The following STAT4 variants were observed in gnomAD, a reference collection of about 807,000 sequenced individuals.
The protein encoded by STAT4 is signal transducer and activator of transcription 4.
STAT4 carries 42 observed loss-of-function variants against 110.5 expected under a neutral mutation model. That is an observed-to-expected ratio of 0.38 (90% confidence interval 0.30 to 0.49). The LOEUF (loss-of-function observed/expected upper bound fraction) is 0.49. Among genes scored for constraint, STAT4 ranks in the 20% least tolerant of loss-of-function variants. STAT4 has a pLI of 0.95. For synonymous variants in STAT4, 284 were observed against 302.2 expected, an observed-to-expected ratio of 0.94 and a Z score of 0.63; for missense variants, 632 against 887.9, an observed-to-expected ratio of 0.71 and a Z score of 3.66.
intron 4 of STAT4, among the ~76,000 whole-genome samples, chr2:191,074,259 G>A (rs1424172952): frequency 2.0e-5 from 3 of 152,122 alleles, no homozygotes; most frequent in Admixed American, 2.0e-4. Flanking sequence ...AAGTTGGGTG[G>A]GGAGCCATGG....
intron 3 of STAT4, among the ~76,000 whole-genome samples, chr2:191,141,471 CACATACAT>C (rs1171274734): frequency 3.9e-5 from 4 of 101,506 alleles, no homozygotes; most frequent in African/African-American, 1.1e-4. Context: ...ATATGTATAT[CACATACAT>C]ACATATACAT....
Position 191,064,947 on chromosome 2 carries a change from A to G in STAT4, c.642T>C (p.Ser214=). 6.2e-7 allele frequency: 1 copy of G among 1,601,320 alleles called. No individual in the cohort carries two copies. Among genetic ancestry groups the G allele is most frequent in the Non-Finnish European group, 8.5e-7 (1 of 1,174,728 alleles). Residue 214 remains serine, a synonymous_variant, in exon 8 of 24, where the codon AGT becomes AGC. Transcript: ENST00000392320. ...TCTCATGGATGATTTGGGTCATTTT[A>G]CTGAGAGCCTCCTAAAAACAAAGGG... ...SLDFKRKEAL[S]KMTQIIHETD... is the part of the protein sequence containing the mutation.
In STAT4 at chr2:191,147,004, A is replaced by G. The variant is rs1358527305; in HGVS notation, c.129-247T>C. ...GCTATTATAAAAAGGAAAAGAAAAA[A>G]CAGAAAATGAGTGTTGGTGAGGATA... On this transcript the variant is annotated intron_variant, in intron 2 of 23. Transcript: ENST00000392320. This position sits in a 1 kb window ranked among gnomAD's most constrained non-coding sequence, Gnocchi z 4.1. 6.6e-6 allele frequency among the ~76,000 whole-genome samples: 1 copy of G among 152,196 alleles called. No homozygotes were observed. Among genetic ancestry groups the G allele is most frequent in the Non-Finnish European group, 1.5e-5 (1 of 68,024 alleles).
chr2:191,124,170 A>T (rs910093727), intron 3 of STAT4, among the ~76,000 whole-genome samples: 1 of 152,202 alleles, frequency 6.6e-6, no homozygotes, highest in Non-Finnish European at 1.5e-5. Context: ...TAAAAAAGAT[A>T]CTGAGGCCGG....
chr2:191,097,242 A>G lies in STAT4; in HGVS notation c.274-20917T>C, dbSNP rs111940244. Among the ~76,000 whole-genome samples the G allele has an allele frequency of 8.1e-3, 1,230 of 152,322 alleles. 18 individuals carry two copies. The highest frequency in any genetic ancestry group is 0.029 in the African/African-American group (1,188 of 41,564). Reference sequence around the variant, plus strand: ...TGCCATCCCCATCAAGCTACCAAAGACTTTTTTCACAGAATTGGAAAAACT... The same window carrying G: ...TGCCATCCCCATCAAGCTACCAAAGGCTTTTTTCACAGAATTGGAAAAACT... On this transcript the variant is annotated intron_variant, in intron 3 of 23. Transcript: ENST00000392320.
rs906708901 is a variant in STAT4, at chr2:191,135,018, G to GA, written c.273+11594dup. On this transcript the variant is annotated intron_variant, in intron 3 of 23. Coordinates refer to ENST00000392320, the MANE Select transcript of STAT4 (RefSeq NM_003151.4). The surrounding 1 kb of genome is among the most constrained non-coding windows in gnomAD (Gnocchi z 4.8). ...GCACCTCAAGTAACTAGAAAAGCAA[G>GA]AAAAAAAAACCGAAATTAGTGGAAG... Among the ~76,000 whole-genome samples, 21 of 147,568 alleles carry GA rather than the reference G, an allele frequency of 1.4e-4. No individual in the cohort carries two copies. The highest frequency in any genetic ancestry group is 4.3e-4 in the South Asian group (2 of 4,670).
chr2:191,089,547 C>T (rs772044680), intron 3 of STAT4, among the ~76,000 whole-genome samples: 7 of 152,182 alleles, frequency 4.6e-5, no homozygotes, highest in Non-Finnish European at 1.0e-4. Context: ...TCAGCAATTG[C>T]ACCCCTTGGT....
At position 191,029,823 on chromosome 2, in the gene STAT4, C is replaced by G. The variant is rs376543078; in HGVS notation, c.*17G>C. 11 of 1,597,546 alleles carry G rather than the reference C, an allele frequency of 6.9e-6. No homozygotes were observed. ...TTTTCATTTGCTTCCTTTCTTGGTG[C>G]GTCAGAGTTTATCCTGTCATTCAGC... On this transcript the variant is annotated 3_prime_UTR_variant, in exon 24 of 24. Coordinates refer to ENST00000392320, the MANE Select transcript of STAT4 (RefSeq NM_003151.4). The surrounding 1 kb of genome is among the most constrained non-coding windows in gnomAD (Gnocchi z 4.5).
At position 191,135,623 on chromosome 2, in the gene STAT4, C is replaced by A. The variant is rs776294338; in HGVS notation, c.273+10990G>T. Among the ~76,000 whole-genome samples the A allele has an allele frequency of 6.6e-6, 1 of 152,140 alleles. No homozygotes were observed. Among genetic ancestry groups the A allele is most frequent in the East Asian group, 1.9e-4 (1 of 5,204 alleles). On this transcript the variant is annotated intron_variant, in intron 3 of 23. Transcript: ENST00000392320. This position sits in a 1 kb window ranked among gnomAD's most constrained non-coding sequence, Gnocchi z 4.8. Reference sequence around the variant, plus strand: ...CTGGGACTACAGGTGATCACCACCACGCCCAGCTAATTTTTTGTATTTTTA... The same window carrying A: ...CTGGGACTACAGGTGATCACCACCAAGCCCAGCTAATTTTTTGTATTTTTA...
intron 5 of STAT4, among the ~76,000 whole-genome samples, chr2:191,071,667 A>G (rs1192711864): frequency 6.6e-6 from 1 of 152,216 alleles, no homozygotes; most frequent in Non-Finnish European, 1.5e-5. Flanking sequence ...ATGATCTGAG[A>G]GCTACATTCC....
At position 191,117,679 on chromosome 2, in the gene STAT4, C is replaced by T. The variant is rs117808344; in HGVS notation, c.273+28934G>A. 1.3e-5 allele frequency among the ~76,000 whole-genome samples: 2 copies of T among 152,242 alleles called. No individual in the cohort carries two copies. The highest frequency in any genetic ancestry group is 4.8e-5 in the African/African-American group (2 of 41,550). On this transcript the variant is annotated intron_variant, in intron 3 of 23. Coordinates refer to ENST00000392320, the MANE Select transcript of STAT4 (RefSeq NM_003151.4). The surrounding 1 kb of genome is among the most constrained non-coding windows in gnomAD (Gnocchi z 5.2). ...ATTGCATCCTGGGCAGAGGGCATTG[C>T]AAGCAATGAGTAGAGTCCATTCTAA...
chr2:191,110,725 C>CG lies in STAT4; in HGVS notation c.274-34401_274-34400insC. On this transcript the variant is annotated intron_variant, in intron 3 of 23. Transcript: ENST00000392320. This position sits in a 1 kb window ranked among gnomAD's most constrained non-coding sequence, Gnocchi z 4.5. ...TTGATACAACTGAAGTACCGTATCA[C>CG]TGAGTTTCTAAAATTTATAGCACTA... Among the ~76,000 whole-genome samples the CG allele has an allele frequency of 6.6e-6, 1 of 152,244 alleles. No homozygotes were observed. The highest frequency in any genetic ancestry group is 2.1e-4 in the South Asian group (1 of 4,824).
rs1193815173 is a variant in STAT4, at chr2:191,116,102, T to G, written c.273+30511A>C. The stretch of plus-strand genomic sequence containing the variant: ...AGAAAAACTTCATTTGCTTGAATTG[T>G]GCTCTGATCATTACATGTAATGCTT... On this transcript the variant is annotated intron_variant, in intron 3 of 23. Coordinates refer to ENST00000392320, the MANE Select transcript of STAT4 (RefSeq NM_003151.4). The surrounding 1 kb of genome is among the most constrained non-coding windows in gnomAD (Gnocchi z 4.1). Among the ~76,000 whole-genome samples the G allele has an allele frequency of 6.6e-6, 1 of 152,230 alleles. No individual in the cohort carries two copies. Among genetic ancestry groups the G allele is most frequent in the Non-Finnish European group, 1.5e-5 (1 of 68,036 alleles).
chr2:191,051,907 T>C lies in STAT4; in HGVS notation c.1251+2583A>G, dbSNP rs1298204256. Among the ~76,000 whole-genome samples, 1 of 152,220 alleles carries C rather than the reference T, an allele frequency of 6.6e-6. No individual in the cohort carries two copies. Among genetic ancestry groups the C allele is most frequent in the African/African-American group, 2.4e-5 (1 of 41,460 alleles). ...ACTGAAATAAGTATGAAGCTAATAG[T>C]ACCTACTTCACAGTCTTGTTGCAAG... On this transcript the variant is annotated intron_variant, in intron 14 of 23. Transcript: ENST00000392320. This position sits in a 1 kb window ranked among gnomAD's most constrained non-coding sequence, Gnocchi z 5.6.
chr2:191,068,460 G>T (rs1044424070), intron 6 of STAT4: 11 of 152,090 alleles, frequency 7.2e-5, no homozygotes, highest in African/African-American at 2.7e-4. Flanking sequence ...TGGAAGTCAA[G>T]GCATCTTAAG....
At chr2:191,084,369 G>A (rs1055049074) in intron 3 of STAT4, among the ~76,000 whole-genome samples, 1 of 152,038 alleles carries the variant, frequency 6.6e-6, no homozygotes, top group Non-Finnish European at 1.5e-5. Flanking sequence ...TTCTAGGGAT[G>A]GTTCTTTGAT....
rs1341971596 is a variant in STAT4, at chr2:191,043,840, G to A, written c.1252-2692C>T. 6.6e-6 allele frequency among the ~76,000 whole-genome samples: 1 copy of A among 151,974 alleles called. No individual in the cohort carries two copies. Among genetic ancestry groups the A allele is most frequent in the Non-Finnish European group, 1.5e-5 (1 of 67,984 alleles). On this transcript the variant is annotated intron_variant, in intron 14 of 23. Coordinates refer to ENST00000392320, the MANE Select transcript of STAT4 (RefSeq NM_003151.4). The surrounding 1 kb of genome is among the most constrained non-coding windows in gnomAD (Gnocchi z 4.8). ...TTGTTGAGCAAGAAAAGCAAGTTGT[G>A]ATAAAATATATACATAAGGATGCCA...
rs1696618524 is a variant in STAT4, at chr2:191,054,479, A to G, written c.1251+11T>C. ...TTCCAGAAAAATTCTATAGGAGAAA[A>G]CATTTCCTACCTCATTTCCTTTACC... On this transcript the variant is annotated intron_variant, in intron 14 of 23. Coordinates refer to ENST00000392320, the MANE Select transcript of STAT4 (RefSeq NM_003151.4). 1.2e-6 allele frequency: 2 copies of G among 1,607,798 alleles called. No homozygotes were observed. Among genetic ancestry groups the G allele is most frequent in the African/African-American group, 2.7e-5 (2 of 74,560 alleles).
At chr2:191,089,951 A>G (rs1697745038) in intron 3 of STAT4, among the ~76,000 whole-genome samples, 1 of 152,188 alleles carries the variant, frequency 6.6e-6, no homozygotes, top group South Asian at 2.1e-4. Context: ...TATCTAGGGC[A>G]ATGAAACTAT....
Sources: allele counts gnomAD v4.1 joint callset (sites outside exome capture counted in the v4.1 genomes callset), GRCh38; gene constraint gnomAD v4.1.1; non-coding constraint Gnocchi (gnomAD v3.1); transcripts MANE v1.5; gene names NCBI Gene and HGNC (gene_info 2026-07-23, HGNC 2026-07-21).